PDIA3: variants seen among roughly 807,000 people sequenced by gnomAD.
PDIA3 encodes the protein protein disulfide isomerase family A member 3.
PDIA3 carries 16 observed loss-of-function variants against 56.9 expected under a neutral mutation model. That is an observed-to-expected ratio of 0.28 (90% CI 0.19 to 0.43). The LOEUF (loss-of-function observed/expected upper bound fraction) is 0.43, where lower values mean the gene tolerates loss of function less well. Ranked by LOEUF, PDIA3 falls within the 20% of genes least tolerant of loss-of-function variation. The probability of loss-of-function intolerance (pLI) is 1.00; values close to 1 mark genes in which losing one functional copy is unlikely to be tolerated. For missense variants in PDIA3, 485 were observed against 621.3 expected, an observed-to-expected ratio of 0.78 and a Z score of 2.33; for synonymous variants, 192 against 216.5, an observed-to-expected ratio of 0.89 and a Z score of 0.99.
chr15:43,753,724 C>A, intron 1 of PDIA3, 100 bp from the exon 2 acceptor site: 1 of 838,610 alleles, frequency 1.2e-6, no homozygotes, highest in Non-Finnish European at 2.0e-6. Context: ...TGTCTACTAG[C>A]TCAAAGGTAG....
intron 3 of PDIA3, among the ~76,000 whole-genome samples, chr15:43,759,440 GT>G (rs893082602): frequency 1.6e-4 from 23 of 146,192 alleles, no homozygotes; most frequent in Non-Finnish European, 2.1e-4. Context: ...AACAAAACTT[GT>G]TTTTTTTTTT....
At chr15:43,753,416 T>C (rs904544580) in intron 1 of PDIA3, among the ~76,000 whole-genome samples, 9 of 152,172 alleles carry the variant, frequency 5.9e-5, no homozygotes, top group African/African-American at 2.2e-4. Context: ...GAATTGTATT[T>C]TCCTCTGGGG....
At chr15:43,757,670 C>T (rs1008787537) in intron 3 of PDIA3, among the ~76,000 whole-genome samples, 6 of 151,600 alleles carry the variant, frequency 4.0e-5, no homozygotes, top group African/African-American at 1.2e-4. Context: ...GCCAGCCTGG[C>T]CAGCATGGTG....
intron 5 of PDIA3, among the ~76,000 whole-genome samples, chr15:43,764,634 G>A (rs1209010268): frequency 6.6e-6 from 1 of 151,938 alleles, no homozygotes; most frequent in Non-Finnish European, 1.5e-5. Context: ...CACCTGGGTA[G>A]TTTATGTGTT....
intron 1 of PDIA3, among the ~76,000 whole-genome samples, chr15:43,752,485 G>A (rs1305107034): frequency 6.6e-6 from 1 of 152,148 alleles, no homozygotes; most frequent in Non-Finnish European, 1.5e-5. Flanking sequence ...CTGAAATACA[G>A]CATAAGGAAT....
chr15:43,748,040 T>G (rs1567154046), intron 1 of PDIA3, among the ~76,000 whole-genome samples: 2 of 152,224 alleles, frequency 1.3e-5, no homozygotes, highest in Non-Finnish European at 2.9e-5. Flanking sequence ...CTGTTAGCTT[T>G]GAGGGGGTGT....
At chr15:43,770,412 A>G (rs2086874027) in intron 11 of PDIA3, 83 bp downstream of exon 11, 3 of 1,371,210 alleles carry the variant, frequency 2.2e-6, no homozygotes, top group Non-Finnish European at 2.1e-6. Context: ...ATTACTAGAC[A>G]TAGTTTTCAT....
intron 3 of PDIA3, among the ~76,000 whole-genome samples, chr15:43,760,411 A>G (rs980365289): frequency 2.6e-5 from 4 of 151,790 alleles, no homozygotes; most frequent in African/African-American, 9.7e-5. Context: ...TAAAGAAAAG[A>G]AAAAAAAGAT....
Position 43,765,437 on chromosome 15 carries a change from T to C in PDIA3, c.603-13T>C. On this transcript the variant is annotated splice_polypyrimidine_tract_variant and intron_variant, in intron 5 of 12. Transcript: ENST00000300289. The stretch of plus-strand genomic sequence containing the variant: ...CTATCTGCCTACTGAGACTTTTCTT[T>C]TTTTTTTTTAAGGGGTATCATCTTA... The C allele has an allele frequency of 6.7e-7, 1 of 1,484,578 alleles. No individual in the cohort carries two copies. Among genetic ancestry groups the C allele is most frequent in the Non-Finnish European group, 9.3e-7 (1 of 1,070,630 alleles). 92.0% of individuals were successfully genotyped at this position (1,484,578 alleles called of 1,614,324 possible).
intron 1 of PDIA3, among the ~76,000 whole-genome samples, chr15:43,748,349 A>G (rs1416758071): frequency 1.3e-5 from 2 of 152,100 alleles, no homozygotes; most frequent in Non-Finnish European, 2.9e-5. Context: ...ATAGTGGCAC[A>G]TGCCTGTAAT....
At chr15:43,765,653 C>A in intron 6 of PDIA3, 87 bp downstream of exon 6, 1 of 949,844 alleles carries the variant, frequency 1.1e-6, no homozygotes, top group Non-Finnish European at 1.7e-6. Flanking sequence ...TATATTTTGG[C>A]GTAAACAGTC....
At position 43,771,573 on chromosome 15, in the gene PDIA3, T is replaced by A; in HGVS notation, c.*355T>A. On this transcript the variant is annotated 3_prime_UTR_variant, in exon 13 of 13. Transcript: ENST00000300289. ...ATTTTCCACCAGATTGAGAACCAGA[T>A]GTTCTCTACACACTATCACTGTTCA... 2.2e-6 allele frequency: 1 copy of A among 455,656 alleles called. No homozygotes were observed. Among genetic ancestry groups the A allele is most frequent in the Non-Finnish European group, 3.8e-6 (1 of 261,030 alleles). The allele number at this position is 455,656 out of a possible 1,614,324, so 28.2% of individuals were successfully genotyped here. A position where few individuals can be genotyped will look rare whatever the true frequency, so the allele number is the denominator to read the frequency against.
chr15:43,755,952 G>A (rs1311783607), intron 2 of PDIA3, among the ~76,000 whole-genome samples: 1 of 151,710 alleles, frequency 6.6e-6, no homozygotes, highest in African/African-American at 2.4e-5. Flanking sequence ...ATTCCTACCT[G>A]TGTGACTATA....
Position 43,771,416 on chromosome 15 carries a change from G to T in PDIA3, c.*198G>T. The T allele has an allele frequency of 2.4e-6, 1 of 411,592 alleles. No individual in the cohort carries two copies. The highest frequency in any genetic ancestry group is 4.3e-6 in the Non-Finnish European group (1 of 234,548). The allele number at this position is 411,592 out of a possible 1,614,324, so 25.5% of individuals were successfully genotyped here. On this transcript the variant is annotated 3_prime_UTR_variant, in exon 13 of 13. Transcript: ENST00000300289. ...TATGGAAATACCAGGACCAGTTTAT[G>T]TTTGTGGTTTTGGGAAAAATTATTT...
rs2086849731 is a variant in PDIA3 at position 43,766,729 on chromosome 15, G to T, written c.847G>T (p.Val283Leu). Residue 283 changes from valine to leucine, a missense_variant and splice_region_variant, in exon 8 of 13, where the codon GTA becomes TTA. Coordinates refer to ENST00000300289, the MANE Select transcript of PDIA3 (RefSeq NM_005313.5). ...ACAAATGTCTCTTGTTTCCCACAGG[G>T]TAATGATGGTGGCAAAGAAATTCCT... The part of the protein sequence containing the change: ...AKGSNYWRNR[V>L]MMVAKKFLDA... The T allele has an allele frequency of 6.2e-7, 1 of 1,613,518 alleles. No individual in the cohort carries two copies. The highest frequency in any genetic ancestry group is 8.5e-7 in the Non-Finnish European group (1 of 1,179,664).
In PDIA3 at chr15:43,753,804, C is replaced by T. The variant is rs1263683240; in HGVS notation, c.168-20C>T. ...TCATAGGACTAAACTGAGAATTTGG[C>T]TTTTTTAATACGTATATAGGTGTGG... is the stretch of plus-strand genomic sequence containing the variant. On this transcript the variant is annotated intron_variant, in intron 1 of 12. Coordinates refer to ENST00000300289, the MANE Select transcript of PDIA3 (RefSeq NM_005313.5). 5 of 1,571,716 alleles carry T rather than the reference C, an allele frequency of 3.2e-6. No homozygotes were observed. The highest frequency in any genetic ancestry group is 3.4e-5 in the Admixed American group (2 of 59,414).
intron 5 of PDIA3, among the ~76,000 whole-genome samples, chr15:43,764,363 G>C (rs921728302): frequency 6.6e-6 from 1 of 152,082 alleles, no homozygotes; most frequent in East Asian, 1.9e-4. Flanking sequence ...GTCTAAACTC[G>C]GTCAACAGCA....
chr15:43,765,944 C>G lies in PDIA3; in HGVS notation c.777C>G (p.Asp259Glu). The change falls in exon 7 of 13, where the codon GAC becomes GAG. Residue 259 changes from aspartate to glutamate, a missense_variant. By Grantham distance (45) the Asp-to-Glu change is conservative. Coordinates refer to ENST00000300289, the MANE Select transcript of PDIA3 (RefSeq NM_005313.5). ...ATAAAGATTTGATACAGGGCAAGGA[C>G]TTACTTATTGCTTACTATGATGTGG... ...EDNKDLIQGK[D>E]LLIAYYDVDY... 1 of 1,613,300 alleles carries G rather than the reference C, an allele frequency of 6.2e-7. No homozygotes were observed. Among genetic ancestry groups the G allele is most frequent in the Non-Finnish European group, 8.5e-7 (1 of 1,179,438 alleles).
chr15:43,763,782 A>G (rs966706514), intron 5 of PDIA3, among the ~76,000 whole-genome samples: 5 of 151,038 alleles, frequency 3.3e-5, no homozygotes, highest in African/African-American at 9.7e-5. Context: ...CTTATGGGGT[A>G]GGGGGGTAAT....
Sources: allele counts gnomAD v4.1 joint callset (sites outside exome capture counted in the v4.1 genomes callset), GRCh38; gene constraint gnomAD v4.1.1; transcripts MANE v1.5; gene names NCBI Gene and HGNC (gene_info 2026-07-23, HGNC 2026-07-21).